The following MCF2L variants were observed in gnomAD, a reference collection of about 807,000 sequenced individuals.
The protein encoded by MCF2L is MCF.2 cell line derived transforming sequence like, also known as guanine nucleotide exchange factor DBS.
In MCF2L, 97 loss-of-function variants were observed where a neutral mutation model predicts 153.4. The observed-to-expected ratio is 0.63, with a 90% CI of 0.54 to 0.75. The LOEUF is 0.75. MCF2L is among the 30% of genes least tolerant of loss of function. The pLI, the probability that MCF2L is intolerant of heterozygous loss-of-function variation, is 0.00. For synonymous variants in MCF2L, 659 were observed against 632.2 expected (o/e 1.04, Z -0.64); for missense variants, 1,347 against 1,495.2 (o/e 0.90, Z 1.64).
chr13:112,986,417 G>A (rs1026464485), intron 1 of MCF2L, among the ~76,000 whole-genome samples: 5 of 152,204 alleles, frequency 3.3e-5, no homozygotes, highest in African/African-American at 9.7e-5. Flanking sequence ...CGAACGGTGT[G>A]GGAGGACACA....
At chr13:112,902,677 C>G (rs1440287435) in intron 2 of MCF2L, among the ~76,000 whole-genome samples, 1 of 152,236 alleles carries the variant, frequency 6.6e-6, no homozygotes, top group Non-Finnish European at 1.5e-5. Flanking sequence ...AGAAATGTTT[C>G]TTTGGGTTCC....
rs867127037 is a variant in MCF2L, at chr13:113,091,697, C to T, written c.2953+1969C>T. Among the ~76,000 whole-genome samples, 118 of 150,598 alleles carry T rather than the reference C, an allele frequency of 7.8e-4. 1 individual carries two copies. Among genetic ancestry groups the T allele is most frequent in the African/African-American group, 2.6e-3 (107 of 41,078 alleles). On this transcript the variant is annotated intron_variant, in intron 26 of 29. Coordinates refer to ENST00000535094, the MANE Select transcript of MCF2L (RefSeq NM_001112732.3). The stretch of plus-strand genomic sequence containing the variant: ...CCCGGACCCTCCTTTCCCGGGCCGA[C>T]GAGGCTGAGCTCCCTGTGGAACCTG...
chr13:113,090,364 G>A (rs1207340966), intron 26 of MCF2L: 27 of 985,324 alleles, frequency 2.7e-5, no homozygotes, highest in African/African-American at 8.7e-5. Flanking sequence ...AAATGAAGGC[G>A]AGCTTTTCAA....
chr13:112,932,161 G>A lies in MCF2L; in HGVS notation c.169+29790G>A, dbSNP rs754405157. Among the ~76,000 whole-genome samples, 2 of 152,164 alleles carry A rather than the reference G, an allele frequency of 1.3e-5. No homozygotes were observed. The highest frequency in any genetic ancestry group is 2.9e-5 in the Non-Finnish European group (2 of 68,044). On this transcript the variant is annotated intron_variant, in intron 2 of 29. Coordinates refer to the MCF2L transcript ENST00000375608. This position sits in a 1 kb window ranked among gnomAD's most constrained non-coding sequence, Gnocchi z 4.6. ...GTAACTTCCCAGCAGAGGACCTGAC[G>A]ACCTGAGCCAGGCAATCGAGGTCAG...
At chr13:112,938,093 T>G (rs1220566874) in intron 2 of MCF2L, among the ~76,000 whole-genome samples, 1 of 146,026 alleles carries the variant, frequency 6.8e-6, no homozygotes, top group Non-Finnish European at 1.5e-5. Flanking sequence ...CTTTGATTGG[T>G]TGATTGGTTC....
At chr13:112,984,685 C>T (rs542794802) in intron 1 of MCF2L, among the ~76,000 whole-genome samples, 71 of 152,250 alleles carry the variant, frequency 4.7e-4, no homozygotes, top group Middle Eastern at 3.4e-3. Flanking sequence ...CCTAGTAGCG[C>T]GTGCAAAAAG....
intron 2 of MCF2L, among the ~76,000 whole-genome samples, chr13:112,944,164 C>T (rs2081609993): frequency 1.4e-5 from 2 of 138,550 alleles, no homozygotes; most frequent in African/African-American, 5.6e-5. Flanking sequence ...GGGTCCTGGA[C>T]TATGAAGGGA....
At chr13:113,039,007 G>A (rs1329390215) in intron 3 of MCF2L, among the ~76,000 whole-genome samples, 2 of 152,086 alleles carry the variant, frequency 1.3e-5, no homozygotes, top group African/African-American at 2.4e-5. Context: ...ACAGGCGCCC[G>A]CCACCACGCC....
intron 27 of MCF2L, chr13:113,096,122 G>A (rs2035626303): frequency 3.4e-6 from 2 of 580,506 alleles, no homozygotes; most frequent in Non-Finnish European, 6.1e-6. Flanking sequence ...GCTGTGTGTG[G>A]AGACCAGCGT....
chr13:113,090,570 A>G (rs2142085405), intron 26 of MCF2L: 2 of 985,412 alleles, frequency 2.0e-6, no homozygotes, highest in South Asian at 9.4e-5. Flanking sequence ...ACTAGTGAAC[A>G]GGGCTGATGG....
chr13:113,013,086 G>A (rs1413577771), intron 1 of MCF2L, among the ~76,000 whole-genome samples: 3 of 152,148 alleles, frequency 2.0e-5, no homozygotes, highest in Non-Finnish European at 4.4e-5. Context: ...GTCGCTCCTG[G>A]TGAGAGAGAA....
At position 113,096,986 on chromosome 13, in the gene MCF2L, C is replaced by A; in HGVS notation, c.*127C>A. On this transcript the variant is annotated 3_prime_UTR_variant, in exon 30 of 30. Transcript: ENST00000535094. ...CACCCAGAGCGCCTGGCCGTGCGGG[C>A]TGCAGAGGACCCCTCCGGGGCAGAG... 1.7e-6 allele frequency: 1 copy of A among 572,260 alleles called. No individual in the cohort carries two copies. The allele number at this position is 572,260 out of a possible 1,614,324, so 35.4% of individuals were successfully genotyped here.
Position 113,096,464 on chromosome 13 carries a change from G to T in MCF2L, c.3169G>T (p.Glu1057Ter). The stretch of plus-strand genomic sequence containing the variant: ...CGGGGACGTGGTGGAGCTGGTGCAG[G>T]AGGGCGACGAGGGCCTCTGGTAAGA... ...RSGDVVELVQ[E>*]GDEGLWYVRD... Residue 1057 changes from glutamate (E) to a stop codon, truncating the protein, a stop_gained, in exon 28 of 30, where the codon GAG becomes TAG. Transcript: ENST00000535094. LOFTEE classifies it high-confidence loss of function. 6.3e-7 allele frequency: 1 copy of T among 1,588,526 alleles called. No individual in the cohort carries two copies. The highest frequency in any genetic ancestry group is 8.6e-7 in the Non-Finnish European group (1 of 1,168,826).
intron 2 of MCF2L, among the ~76,000 whole-genome samples, chr13:112,931,063 A>T (rs1010119799): frequency 2.0e-5 from 3 of 152,234 alleles, no homozygotes; most frequent in Admixed American, 6.5e-5. Context: ...CTCTCACCTG[A>T]GCGGTTCAGC....
At chr13:113,060,822 C>G (rs1380107212) in intron 5 of MCF2L, 110 bp downstream of exon 5, 1 of 1,444,936 alleles carries the variant, frequency 6.9e-7, no homozygotes, top group Admixed American at 1.9e-5. Flanking sequence ...GCCACACGGT[C>G]AACAAAACCC....
At position 113,039,060 on chromosome 13, in the gene MCF2L, C is replaced by T. The variant is rs369595620; in HGVS notation, c.279-6211C>T. ...ATTTTTAGTAGAGACGGGGTTTCACCGTGTTAGCCTGGATGGTCTCGATCT... is the reference window on the plus strand; with the variant it reads ...ATTTTTAGTAGAGACGGGGTTTCACTGTGTTAGCCTGGATGGTCTCGATCT... On this transcript the variant is annotated intron_variant, in intron 3 of 29. Transcript: ENST00000535094. Among the ~76,000 whole-genome samples the T allele has an allele frequency of 1.0e-3, 159 of 152,254 alleles. 4 individuals are homozygous for T. In the South Asian group the frequency reaches 0.031, roughly 30 times the overall value.
chr13:113,013,498 C>T (rs983173173), intron 1 of MCF2L, among the ~76,000 whole-genome samples: 2 of 152,246 alleles, frequency 1.3e-5, no homozygotes, highest in Non-Finnish European at 2.9e-5. Context: ...TTGTGTTCCA[C>T]TGTGTCCCGT....
intron 1 of MCF2L, among the ~76,000 whole-genome samples, chr13:112,997,255 A>C (rs932483530): frequency 2.6e-5 from 4 of 152,114 alleles, no homozygotes; most frequent in Non-Finnish European, 5.9e-5. Context: ...TCTCTGCTGC[A>C]CTGAACCCAG....
intron 2 of MCF2L, among the ~76,000 whole-genome samples, chr13:112,931,032 C>T (rs1446994818): frequency 2.6e-5 from 4 of 152,182 alleles, no homozygotes; most frequent in South Asian, 4.1e-4. Context: ...TTTACTGGAG[C>T]GTGTTAGAGC....
Sources: gnomAD v4.1 joint callset for allele counts (sites outside exome capture counted in the v4.1 genomes callset) on GRCh38, gnomAD v4.1.1 for gene constraint, Gnocchi (gnomAD v3.1) non-coding constraint, MANE v1.5 for transcripts, NCBI Gene and HGNC (gene_info 2026-07-23, HGNC 2026-07-21) for gene names.